TMCC1: variants seen among roughly 807,000 people sequenced by gnomAD.
The protein encoded by TMCC1 is transmembrane and coiled-coil domain family 1, also known as transmembrane and coiled-coil domains protein 1.
TMCC1 carries 15 observed loss-of-function variants against 52.4 expected under a neutral mutation model. That is an observed-to-expected ratio of 0.29 (90% CI 0.19 to 0.44). The LOEUF is 0.44. Ranked by LOEUF, TMCC1 falls within the 20% of genes least tolerant of loss-of-function variation. The pLI is 1.00. For missense variants in TMCC1, 503 were observed against 806.0 expected, an observed-to-expected ratio of 0.62 and a Z score of 4.55; for synonymous variants, 279 against 301.9, an observed-to-expected ratio of 0.92 and a Z score of 0.79.
intron 3 of TMCC1, among the ~76,000 whole-genome samples, chr3:129,831,476 CAT>C (rs2058909853): frequency 6.6e-6 from 1 of 152,150 alleles, no homozygotes; most frequent in Non-Finnish European, 1.5e-5. Flanking sequence ...GAGCTTTAAA[CAT>C]CAAGTTTTAA....
chr3:129,674,177 T>G (rs2088202759), intron 4 of TMCC1, among the ~76,000 whole-genome samples: 1 of 152,238 alleles, frequency 6.6e-6, no homozygotes, highest in Non-Finnish European at 1.5e-5. Context: ...TGTATCCCCA[T>G]ATTTACAAGT....
At chr3:129,669,477 G>A (rs189313990) in intron 5 of TMCC1, among the ~76,000 whole-genome samples, 15 of 150,860 alleles carry the variant, frequency 9.9e-5, no homozygotes, top group Non-Finnish European at 1.8e-4. Context: ...TCTTGTTGCC[G>A]AGGCTGGAAC....
At chr3:129,860,450 A>T (rs554521458) in intron 2 of TMCC1, among the ~76,000 whole-genome samples, 1 of 152,274 alleles carries the variant, frequency 6.6e-6, no homozygotes, top group South Asian at 2.1e-4. Flanking sequence ...TAGTACATAC[A>T]TTACTATCAA....
intron 4 of TMCC1, among the ~76,000 whole-genome samples, chr3:129,738,906 C>T (rs2051216904): frequency 1.3e-5 from 2 of 152,170 alleles, no homozygotes; most frequent in Non-Finnish European, 2.9e-5. Context: ...GCAACCTCCG[C>T]CACCTGGGTA....
intron 4 of TMCC1, among the ~76,000 whole-genome samples, chr3:129,684,543 T>C (rs1335083038): frequency 6.6e-6 from 1 of 151,902 alleles, no homozygotes; most frequent in East Asian, 1.9e-4. Context: ...AAATACTAGA[T>C]GGATTCTGGA....
chr3:129,753,040 C>A (rs1388612600), intron 4 of TMCC1, among the ~76,000 whole-genome samples: 1 of 152,168 alleles, frequency 6.6e-6, no homozygotes, highest in Non-Finnish European at 1.5e-5. Flanking sequence ...AAGGGAAAGT[C>A]TGCCCCCTTG....
intron 4 of TMCC1, among the ~76,000 whole-genome samples, chr3:129,816,095 G>A (rs541429800): frequency 6.6e-6 from 1 of 152,250 alleles, no homozygotes; most frequent in East Asian, 1.9e-4. Context: ...ATAACATGCT[G>A]GGGAGGATGT....
rs573152872 is a variant in TMCC1, at chr3:129,786,306, A to G, written c.576+41497T>C. Reference sequence around the variant, plus strand: ...TGCCTTTCCCTCTCAACAAAATATTATCTAGTGATGTTGCTCCCTTCCTGC... The same window carrying G: ...TGCCTTTCCCTCTCAACAAAATATTGTCTAGTGATGTTGCTCCCTTCCTGC... On this transcript the variant is annotated intron_variant, in intron 4 of 6. Coordinates refer to ENST00000393238, the MANE Select transcript of TMCC1 (RefSeq NM_001017395.5). Among the ~76,000 whole-genome samples the G allele has an allele frequency of 2.0e-5, 3 of 152,260 alleles. No homozygotes were observed. In the East Asian group the frequency reaches 5.8e-4, roughly 29 times the overall value.
At chr3:129,801,415 G>A (rs1332555367) in intron 4 of TMCC1, among the ~76,000 whole-genome samples, 2 of 151,920 alleles carry the variant, frequency 1.3e-5, no homozygotes, top group African/African-American at 4.8e-5. Context: ...TGACCATTTA[G>A]GTTACTTTCA....
chr3:129,827,109 C>T (rs972567367), intron 4 of TMCC1, among the ~76,000 whole-genome samples: 2 of 152,216 alleles, frequency 1.3e-5, no homozygotes, highest in Non-Finnish European at 2.9e-5. Context: ...CTCCATAACA[C>T]CTAAGTTCAC....
chr3:129,758,383 G>C (rs1417570245), intron 4 of TMCC1, among the ~76,000 whole-genome samples: 2 of 152,146 alleles, frequency 1.3e-5, no homozygotes, highest in Non-Finnish European at 2.9e-5. Context: ...ACAGATGTGC[G>C]CATATGTGAG....
chr3:129,681,496 A>G (rs1368160742), intron 4 of TMCC1, among the ~76,000 whole-genome samples: 1 of 151,994 alleles, frequency 6.6e-6, no homozygotes, highest in African/African-American at 2.4e-5. Flanking sequence ...CTATGTACTT[A>G]GAAGCTTAAT....
At chr3:129,705,899 C>CT (rs11411569) in intron 4 of TMCC1, among the ~76,000 whole-genome samples, 143,106 of 145,600 alleles carry the variant, frequency 0.98, 70,355 homozygotes, top group East Asian at 1. Flanking sequence ...GCCTTTTTTT[C>CT]TTTTTTTTTG....
chr3:129,762,929 T>G (rs1345264801), intron 4 of TMCC1, among the ~76,000 whole-genome samples: 1 of 152,050 alleles, frequency 6.6e-6, no homozygotes, highest in Non-Finnish European at 1.5e-5. Context: ...CCGGGCGCGG[T>G]GGCTCACGCC....
chr3:129,649,721 G>GTTAC lies in TMCC1; in HGVS notation c.*1756_*1759dup, dbSNP rs1433333974. ...AGTGGAAACAGGCAAAGCATACTTT[G>GTTAC]TTACTCTTTTCAGGGCATCTTATAT... is the stretch of plus-strand genomic sequence containing the variant. On this transcript the variant is annotated 3_prime_UTR_variant, in exon 7 of 7. Coordinates refer to ENST00000393238, the MANE Select transcript of TMCC1 (RefSeq NM_001017395.5). The GTTAC allele has an allele frequency of 6.6e-6, 1 of 152,494 alleles. No individual in the cohort carries two copies. Among genetic ancestry groups the GTTAC allele is most frequent in the African/African-American group, 2.4e-5 (1 of 41,428 alleles). The allele number at this position is 152,494 out of a possible 1,614,324, so 9.4% of individuals were successfully genotyped here. A position where few individuals can be genotyped will look rare whatever the true frequency, so the allele number is the denominator to read the frequency against.
chr3:129,832,137 A>G (rs1282984953), intron 3 of TMCC1, among the ~76,000 whole-genome samples: 1 of 152,136 alleles, frequency 6.6e-6, no homozygotes, highest in African/African-American at 2.4e-5. Context: ...GATTATAGGC[A>G]TGAGTCACCG....
intron 4 of TMCC1, among the ~76,000 whole-genome samples, chr3:129,816,797 G>A (rs1301033517): frequency 6.6e-6 from 1 of 152,138 alleles, no homozygotes; most frequent in East Asian, 1.9e-4. Context: ...GCTGAGATGG[G>A]AGGATTACTT....
chr3:129,662,215 A>G (rs2087087959), intron 5 of TMCC1, among the ~76,000 whole-genome samples: 1 of 152,184 alleles, frequency 6.6e-6, no homozygotes, highest in Non-Finnish European at 1.5e-5. Context: ...TAATCATACA[A>G]GAACAGTCAT....
chr3:129,852,213 T>C (rs1436142107), intron 2 of TMCC1, among the ~76,000 whole-genome samples: 1 of 151,684 alleles, frequency 6.6e-6, no homozygotes, highest in Non-Finnish European at 1.5e-5. Flanking sequence ...CCTCAACACT[T>C]TGGGAGGCTG....
Sources: gnomAD v4.1 joint callset for allele counts (sites outside exome capture counted in the v4.1 genomes callset) on GRCh38, gnomAD v4.1.1 for gene constraint, MANE v1.5 for transcripts, NCBI Gene and HGNC (gene_info 2026-07-23, HGNC 2026-07-21) for gene names.